SKAP1: variants seen among roughly 807,000 people sequenced by gnomAD.
The protein encoded by SKAP1 is src kinase associated phosphoprotein 1.
Under a neutral mutation model 58.5 loss-of-function variants are expected in SKAP1, and 44 were observed. The ratio of observed to expected loss-of-function variants is 0.75; its 90% CI spans 0.59 to 0.97. The LOEUF is 0.97. Among genes scored for constraint, SKAP1 ranks in the 50% least tolerant of loss-of-function variants. The pLI, the probability that SKAP1 is intolerant of heterozygous loss-of-function variation, is 0.00. For missense variants in SKAP1, 390 were observed against 435.2 expected (o/e 0.90, Z 0.92); for synonymous variants, 127 against 149.7 (o/e 0.85, Z 1.11).
chr17:48,372,694 G>C (rs1344190444), intron 2 of SKAP1, among the ~76,000 whole-genome samples: 1 of 152,162 alleles, frequency 6.6e-6, no homozygotes, highest in South Asian at 2.1e-4. Context: ...AGGCTGGAAT[G>C]CAGTGGTGCA....
intron 11 of SKAP1, among the ~76,000 whole-genome samples, chr17:48,156,193 C>T (rs2063974752): frequency 1.3e-5 from 2 of 152,218 alleles, no homozygotes; most frequent in African/African-American, 4.8e-5. Flanking sequence ...GCAGAGCGAC[C>T]GCCACGCTAA....
At chr17:48,427,430 G>C (rs948247238) in intron 1 of SKAP1, among the ~76,000 whole-genome samples, 4 of 152,098 alleles carry the variant, frequency 2.6e-5, no homozygotes, top group Admixed American at 2.6e-4. Context: ...ATAGATCTTC[G>C]TGCATATACT....
At chr17:48,158,677 G>A (rs189590684) in intron 11 of SKAP1, among the ~76,000 whole-genome samples, 14 of 150,318 alleles carry the variant, frequency 9.3e-5, no homozygotes, top group African/African-American at 3.2e-4. Flanking sequence ...AGAAACAGCA[G>A]AGGCCGGGCG....
At chr17:48,336,593 GA>G (rs2030132455) in intron 4 of SKAP1, among the ~76,000 whole-genome samples, 1 of 152,164 alleles carries the variant, frequency 6.6e-6, no homozygotes, top group African/African-American at 2.4e-5. Context: ...TGAAACTAAG[GA>G]AGGAAAAGTT....
At chr17:48,231,637 G>A (rs1157315143) in intron 4 of SKAP1, among the ~76,000 whole-genome samples, 1 of 152,072 alleles carries the variant, frequency 6.6e-6, no homozygotes, top group Non-Finnish European at 1.5e-5. Context: ...GGGAGTAGTG[G>A]GAGTACTAGG....
intron 4 of SKAP1, among the ~76,000 whole-genome samples, chr17:48,296,300 T>C (rs2065970582): frequency 6.6e-6 from 1 of 152,206 alleles, no homozygotes; most frequent in Admixed American, 6.5e-5. Context: ...TTATTAAATC[T>C]ATGCATGACT....
rs568481980 is a variant in SKAP1 at position 48,158,698 on chromosome 17, C to T, written c.978+3771G>A. 4.8e-4 allele frequency among the ~76,000 whole-genome samples: 73 copies of T among 151,852 alleles called. No individual in the cohort carries two copies. In the South Asian group the frequency reaches 8.3e-3, roughly 17 times the overall value. ...AGCAGAGGCCGGGCGCAGTGGCTCA[C>T]GCCTGTAATCCCAGCATTTTGGGAG... On this transcript the variant is annotated intron_variant, in intron 11 of 12. Transcript: ENST00000336915.
intron 3 of SKAP1, among the ~76,000 whole-genome samples, chr17:48,353,838 C>T: frequency 6.8e-6 from 1 of 147,324 alleles, no homozygotes; most frequent in Non-Finnish European, 1.5e-5. Context: ...GCAGAGGTTG[C>T]AGTGAGCCGA....
intron 9 of SKAP1, among the ~76,000 whole-genome samples, chr17:48,172,063 GAAAAAAC>G (rs957416016): frequency 1.8e-4 from 28 of 151,818 alleles, no homozygotes; most frequent in Admixed American, 1.6e-3. Flanking sequence ...CTGTCCTGGG[GAAAAAAC>G]AAAAAACAAA....
chr17:48,205,088 TTCTCTCTC>T lies in SKAP1; in HGVS notation c.281-15596_281-15589del, dbSNP rs55806288. On this transcript the variant is annotated intron_variant, in intron 4 of 12. Coordinates refer to ENST00000336915, the MANE Select transcript of SKAP1 (RefSeq NM_003726.4). ...TCTCTCTCTCTCTTTCTTTCTTTCCTTCTCTCTCTCTCTCTCTCTCTCTGTCTCTTTCT... is the reference window on the plus strand; with the variant it reads ...TCTCTCTCTCTCTTTCTTTCTTTCCTTCTCTCTCTCTCTCTGTCTCTTTCT... 5.1e-5 allele frequency among the ~76,000 whole-genome samples: 7 copies of T among 137,910 alleles called. No individual in the cohort carries two copies. The East Asian group carries it at 6.4e-4, about 13-fold the overall frequency. The allele number at this position is 137,910 out of a possible 152,430, so 90.5% of individuals were successfully genotyped here.
chr17:48,265,501 AAAGCAAGCAAGCAAGC>A (rs201049578), intron 4 of SKAP1, among the ~76,000 whole-genome samples: 1 of 148,324 alleles, frequency 6.7e-6, no homozygotes, highest in Non-Finnish European at 1.5e-5. Context: ...AAAAAAAAAA[AAAGCAAGCAAGCAAGC>A]AAGCAAGCAA....
At chr17:48,377,513 G>A (rs2067165300) in intron 2 of SKAP1, 1 of 151,496 alleles carries the variant, frequency 6.6e-6, no homozygotes, top group Admixed American at 6.6e-5. Context: ...AGGAGGTTGA[G>A]GCTGCAGTGA....
At chr17:48,433,089 G>C (rs1331581730), upstream of SKAP1, among the ~76,000 whole-genome samples, 1 of 152,186 alleles carries the variant, frequency 6.6e-6, no homozygotes, top group Non-Finnish European at 1.5e-5. Context: ...CTCCACACAT[G>C]AACGCAGCCC....
chr17:48,384,173 A>G (rs1038029207), intron 2 of SKAP1, among the ~76,000 whole-genome samples: 10 of 152,174 alleles, frequency 6.6e-5, no homozygotes, highest in Non-Finnish European at 1.3e-4. Context: ...AAGTTTAGCT[A>G]GTGACAAAGG....
intron 3 of SKAP1, among the ~76,000 whole-genome samples, chr17:48,361,030 T>C (rs1387855512): frequency 2.6e-5 from 4 of 151,826 alleles, no homozygotes. Context: ...TGATGAAACG[T>C]TCTGAAATTA....
intron 1 of SKAP1, among the ~76,000 whole-genome samples, chr17:48,424,415 C>T (rs572424413): frequency 1.3e-5 from 2 of 151,272 alleles, no homozygotes; most frequent in Non-Finnish European, 3.0e-5. Flanking sequence ...TTAGTACAGA[C>T]GGGGTTTCAC....
At chr17:48,423,752 A>G (rs1445732820) in intron 1 of SKAP1, among the ~76,000 whole-genome samples, 2 of 152,134 alleles carry the variant, frequency 1.3e-5, no homozygotes, top group Non-Finnish European at 2.9e-5. Context: ...AGCAGGGAAA[A>G]CATTCTTGTT....
At chr17:48,338,541 T>C (rs1391413685) in intron 4 of SKAP1, among the ~76,000 whole-genome samples, 4 of 152,128 alleles carry the variant, frequency 2.6e-5, no homozygotes, top group Non-Finnish European at 5.9e-5. Flanking sequence ...TTAAATTCCA[T>C]GATTTTATGT....
intron 4 of SKAP1, among the ~76,000 whole-genome samples, chr17:48,310,914 C>T (rs1055322184): frequency 6.6e-6 from 1 of 152,212 alleles, no homozygotes; most frequent in Non-Finnish European, 1.5e-5. Context: ...TTGCAACACA[C>T]ATCAACACTG....
Sources: gnomAD v4.1 joint callset for allele counts (sites outside exome capture counted in the v4.1 genomes callset) on GRCh38, gnomAD v4.1.1 for gene constraint, MANE v1.5 for transcripts, NCBI Gene and HGNC (gene_info 2026-07-23, HGNC 2026-07-21) for gene names.